MTREX: variants seen among roughly 807,000 people sequenced by gnomAD.
The protein encoded by MTREX is Mtr4 exosome RNA helicase, also known as exosome RNA helicase MTR4.
In MTREX, 76 loss-of-function variants were observed where a neutral mutation model predicts 135.4. The ratio of observed to expected loss-of-function variants is 0.56; its 90% confidence interval spans 0.47 to 0.68. MTREX has a LOEUF of 0.68. Among genes scored for constraint, MTREX ranks in the 30% least tolerant of loss-of-function variants. MTREX has a pLI of 0.00. For missense variants in MTREX, 920 were observed against 1,262.1 expected, an observed-to-expected ratio of 0.73 and a Z score of 4.11; for synonymous variants, 404 against 401.6, an observed-to-expected ratio of 1.01 and a Z score of -0.07.
chr5:55,404,354 G>C (rs904189401), intron 21 of MTREX, among the ~76,000 whole-genome samples: 2 of 152,124 alleles, frequency 1.3e-5, no homozygotes, highest in South Asian at 4.1e-4. Context: ...TCTAAAGGAT[G>C]ACATCAAGGT....
chr5:55,329,683 G>T (rs961915391), intron 5 of MTREX, among the ~76,000 whole-genome samples: 2 of 152,082 alleles, frequency 1.3e-5, no homozygotes, highest in African/African-American at 4.8e-5. Flanking sequence ...GTATGGAATT[G>T]TAATTTTCTT....
At chr5:55,408,069 G>A (rs1374655117) in intron 22 of MTREX, among the ~76,000 whole-genome samples, 1 of 152,024 alleles carries the variant, frequency 6.6e-6, no homozygotes, top group Non-Finnish European at 1.5e-5. Context: ...CAGCCCCTTT[G>A]TGCCATTCTA....
intron 16 of MTREX, among the ~76,000 whole-genome samples, chr5:55,369,738 T>C (rs1355489103): frequency 1.3e-5 from 2 of 152,178 alleles, no homozygotes; most frequent in Non-Finnish European, 2.9e-5. Context: ...GAAAGTCATT[T>C]AAAATATAAC....
In MTREX at chr5:55,344,145, GA is replaced by G. The variant is rs535411276; in HGVS notation, c.907-373del. Among the ~76,000 whole-genome samples the G allele has an allele frequency of 7.9e-5, 12 of 152,086 alleles. No individual in the cohort carries two copies. In the South Asian group the frequency reaches 1.7e-3, roughly 21 times the overall value. The stretch of plus-strand genomic sequence containing the variant: ...AAGTGCTGCTTTATACTAAGGTTTT[GA>G]AAAGCCTGGGTGGGGCAGAAAAGTT... On this transcript the variant is annotated intron_variant, in intron 8 of 26. Coordinates refer to ENST00000230640, the MANE Select transcript of MTREX (RefSeq NM_015360.5).
chr5:55,424,161 C>CA (rs1433518912), intron 26 of MTREX: 7 of 151,884 alleles, frequency 4.6e-5, no homozygotes, highest in African/African-American at 4.8e-5. Context: ...TGTGTGGAGA[C>CA]AGAGTTTCGC....
chr5:55,313,467 C>T (rs1042103165), intron 1 of MTREX, among the ~76,000 whole-genome samples: 3 of 151,960 alleles, frequency 2.0e-5, no homozygotes, highest in African/African-American at 2.4e-5. Flanking sequence ...ATCCTCATTC[C>T]TGCTGACAAT....
chr5:55,327,803 T>C (rs1411756405), intron 4 of MTREX, 25 bp downstream of exon 4: 4 of 1,537,636 alleles, frequency 2.6e-6, no homozygotes, highest in Non-Finnish European at 3.6e-6. Context: ...TAATACAGTT[T>C]ATATAGTTTC....
intron 1 of MTREX, among the ~76,000 whole-genome samples, chr5:55,315,814 T>G (rs1749189113): frequency 6.7e-6 from 1 of 148,894 alleles, no homozygotes; most frequent in African/African-American, 2.5e-5. Context: ...TCCCAGCTAG[T>G]AGGGAGGCTG....
At position 55,340,107 on chromosome 5, in the gene MTREX, GA is replaced by G. The variant is rs757114984; in HGVS notation, c.615del (p.Glu205AspfsTer7). 1 of 1,604,836 alleles carries G rather than the reference GA, an allele frequency of 6.2e-7. No individual in the cohort carries two copies. The highest frequency in any genetic ancestry group is 8.5e-7 in the Non-Finnish European group (1 of 1,175,552). ...SNQKYREMYE[E>X]FQDVGLMTGD... ...CCAAAAATACCGTGAAATGTATGAA[GA>G]ATTTCAAGATGTTGGTTTGATGACT... is the stretch of plus-strand genomic sequence containing the variant. On this transcript the variant is annotated frameshift_variant, in exon 6 of 27. Coordinates refer to ENST00000230640, the MANE Select transcript of MTREX (RefSeq NM_015360.5). LOFTEE classifies it high-confidence loss of function.
At chr5:55,324,678 C>T (rs1749344843) in intron 3 of MTREX, 1 of 151,706 alleles carries the variant, frequency 6.6e-6, no homozygotes, top group Admixed American at 6.6e-5. Flanking sequence ...AAACTCCTGA[C>T]CTCGTGATCC....
At chr5:55,320,101 A>T (rs1175033921) in intron 1 of MTREX, among the ~76,000 whole-genome samples, 1 of 152,156 alleles carries the variant, frequency 6.6e-6, no homozygotes, top group Non-Finnish European at 1.5e-5. Flanking sequence ...TTTTCGCAAA[A>T]TTGGGAGTGA....
intron 14 of MTREX, 23 bp from the exon 15 acceptor site, chr5:55,358,550 G>A: frequency 6.4e-7 from 1 of 1,566,440 alleles, no homozygotes; most frequent in South Asian, 1.2e-5. Flanking sequence ...CCTAAACTCT[G>A]AATTTTAACT....
At chr5:55,344,254 A>G (rs1749695031) in intron 8 of MTREX, among the ~76,000 whole-genome samples, 1 of 152,172 alleles carries the variant, frequency 6.6e-6, no homozygotes, top group Non-Finnish European at 1.5e-5. Context: ...ACAGCATTCC[A>G]GGGCTAGGTA....
intron 15 of MTREX, among the ~76,000 whole-genome samples, chr5:55,360,636 T>C (rs1169203835): frequency 6.6e-6 from 1 of 152,196 alleles, no homozygotes; most frequent in African/African-American, 2.4e-5. Context: ...TTTTGGTTAA[T>C]AGCCATCCTT....
At chr5:55,349,100 A>G (rs548725523) in intron 11 of MTREX, among the ~76,000 whole-genome samples, 1 of 151,890 alleles carries the variant, frequency 6.6e-6, no homozygotes, top group South Asian at 2.1e-4. Context: ...AAGGCAGAGA[A>G]TTATATTGAT....
intron 24 of MTREX, 43 bp from the exon 25 acceptor site, chr5:55,415,927 G>T: frequency 1.4e-6 from 2 of 1,381,194 alleles, no homozygotes; most frequent in Non-Finnish European, 2.0e-6. Flanking sequence ...AAAGTGATAT[G>T]GGAGATCATA....
intron 8 of MTREX, among the ~76,000 whole-genome samples, chr5:55,344,035 C>G (rs938643274): frequency 3.3e-5 from 5 of 152,062 alleles, no homozygotes; most frequent in Admixed American, 1.3e-4. Flanking sequence ...TGTTTATAAG[C>G]TCCCTGATCG....
chr5:55,317,242 TC>T (rs1291174239), intron 1 of MTREX, among the ~76,000 whole-genome samples: 1 of 152,186 alleles, frequency 6.6e-6, no homozygotes, highest in Non-Finnish European at 1.5e-5. Context: ...TCAATGCTAT[TC>T]CTATCAAACT....
Position 55,343,404 on chromosome 5 carries a change from T to G in MTREX, c.855T>G (p.Thr285=). The change falls in exon 8 of 27, where the codon ACT becomes ACG. Residue 285 remains threonine, a synonymous_variant. Coordinates refer to ENST00000230640, the MANE Select transcript of MTREX (RefSeq NM_015360.5). Reference sequence around the variant, plus strand: ...TCCACTATGTCTTTCTTTCGGCTACTATTCCAAATGCCCGACAGTTTGCTG... The same window carrying G: ...TCCACTATGTCTTTCTTTCGGCTACGATTCCAAATGCCCGACAGTTTGCTG... ...DNVHYVFLSA[T]IPNARQFAEW... is the part of the protein sequence containing the mutation. 6.2e-7 allele frequency: 1 copy of G among 1,613,716 alleles called. No homozygotes were observed. Among genetic ancestry groups the G allele is most frequent in the Non-Finnish European group, 8.5e-7 (1 of 1,179,748 alleles).
Sources: allele counts gnomAD v4.1 joint callset (sites outside exome capture counted in the v4.1 genomes callset), GRCh38; gene constraint gnomAD v4.1.1; transcripts MANE v1.5; gene names NCBI Gene and HGNC (gene_info 2026-07-23, HGNC 2026-07-21).